The following ANKRD63 variants were observed in gnomAD, a reference collection of about 807,000 sequenced individuals.
ANKRD63 encodes ankyrin repeat domain-containing protein 63.
ANKRD63 carries 18 observed loss-of-function variants against 21.2 expected under a neutral mutation model. The observed-to-expected ratio is 0.85, with a 90% CI of 0.59 to 1.26. The LOEUF (loss-of-function observed/expected upper bound fraction) is 1.26. Among genes scored for constraint, ANKRD63 ranks in the 50% most tolerant of loss-of-function variants. The pLI, the probability that ANKRD63 is intolerant of heterozygous loss-of-function variation, is 0.00. For synonymous variants in ANKRD63, 322 were observed against 273.3 expected (o/e 1.18, Z -1.76); for missense variants, 523 against 570.9 (o/e 0.92, Z 0.85).
At position 40,281,907 on chromosome 15, in the gene ANKRD63, C is replaced by T; in HGVS notation, c.680G>A (p.Gly227Asp). The T allele has an allele frequency of 7.1e-7, 1 of 1,409,938 alleles. No homozygotes were observed. Among genetic ancestry groups the T allele is most frequent in the Non-Finnish European group, 9.2e-7 (1 of 1,092,596 alleles). 87.3% of individuals were successfully genotyped at this position (1,409,938 alleles called of 1,614,324 possible). Residue 227 changes from glycine (G) to aspartate (D), a missense_variant, in exon 1 of 1, where the codon GGC becomes GAC. Coordinates refer to ENST00000434396, the MANE Select transcript of ANKRD63 (RefSeq NM_001190479.3). ...PLLARFARAA[G>D]GHGGEAGSAG... ...TGAGCCAGCCTCGCCGCCGTGGCCG[C>T]CCGCCGCTCGCGCAAAGCGCGCCAG...
rs921251047 is a variant in ANKRD63 at position 40,282,191 on chromosome 15, C to T, written c.396G>A (p.Val132=). The change falls in exon 1 of 1, where the codon GTG becomes GTA. Residue 132 remains valine, a synonymous_variant. Coordinates refer to ENST00000434396, the MANE Select transcript of ANKRD63 (RefSeq NM_001190479.3). The part of the protein sequence containing the change: ...MWAAACGHGA[V]LEFLVRSFRR... Reference sequence around the variant, plus strand: ...GGAAGGACCGCACCAGGAACTCGAGCACCGCCCCGTGGCCGCAGGCCGCCG... The same window carrying T: ...GGAAGGACCGCACCAGGAACTCGAGTACCGCCCCGTGGCCGCAGGCCGCCG... 1.8e-5 allele frequency: 27 copies of T among 1,501,410 alleles called. No individual in the cohort carries two copies. Among genetic ancestry groups the T allele is most frequent in the Middle Eastern group, 2.0e-4 (1 of 5,114 alleles). The allele number at this position is 1,501,410 out of a possible 1,614,324, so 93.0% of individuals were successfully genotyped here.
Position 40,281,900 on chromosome 15 carries a change from G to T in ANKRD63, c.687C>A (p.His229Gln). Residue 229 changes from histidine (H) to glutamine (Q), a missense_variant, in exon 1 of 1, where the codon CAC (histidine) becomes CAA (glutamine). His to Gln is a conservative substitution (Grantham distance 24, BLOSUM62 0). This residue lies in a region of ANKRD63 where 308 missense variants were observed against 290.4 expected (regional missense o/e 1.06). Coordinates refer to ENST00000434396, the MANE Select transcript of ANKRD63 (RefSeq NM_001190479.3). ...TGCCCGCTGAGCCAGCCTCGCCGCC[G>T]TGGCCGCCCGCCGCTCGCGCAAAGC... ...LARFARAAGG[H>Q]GGEAGSAGKN... The T allele has an allele frequency of 7.1e-7, 1 of 1,410,408 alleles. No homozygotes were observed. Among genetic ancestry groups the T allele is most frequent in the Non-Finnish European group, 9.2e-7 (1 of 1,092,242 alleles). 87.4% of individuals were successfully genotyped at this position (1,410,408 alleles called of 1,614,324 possible).
chr15:40,282,217 C>T lies in ANKRD63; in HGVS notation c.370G>A (p.Ala124Thr), dbSNP rs1018905088. The change falls in exon 1 of 1, where the codon GCG becomes ACG. Residue 124 changes from alanine (A) to threonine (T), a missense_variant. By Grantham distance (58) the Ala-to-Thr change is moderately conservative. Around this residue, in one of 2 missense-constraint regions of ANKRD63, gnomAD observed 215 missense variants for 280.4 expected, o/e 0.77. Coordinates refer to ENST00000434396, the MANE Select transcript of ANKRD63 (RefSeq NM_001190479.3). ...DSAGNSPVMW[A>T]AACGHGAVLE... is the part of the protein sequence containing the mutation. ...ACCGCCCCGTGGCCGCAGGCCGCCG[C>T]CCACATCACCGGGCTGTTGCCCGCA... 2.0e-6 allele frequency: 3 copies of T among 1,512,984 alleles called. No individual in the cohort carries two copies. Among genetic ancestry groups the T allele is most frequent in the Non-Finnish European group, 2.6e-6 (3 of 1,138,076 alleles). The allele number at this position is 1,512,984 out of a possible 1,614,324, so 93.7% of individuals were successfully genotyped here. A position where few individuals can be genotyped will look rare whatever the true frequency, so the allele number is the denominator to read the frequency against.
chr15:40,282,706 G>C lies in ANKRD63; in HGVS notation c.-120C>G. The C allele has an allele frequency of 1.3e-6, 1 of 769,088 alleles. No homozygotes were observed. The highest frequency in any genetic ancestry group is 2.8e-5 in the South Asian group (1 of 36,108). 47.6% of individuals were successfully genotyped at this position (769,088 alleles called of 1,614,324 possible). On this transcript the variant is annotated 5_prime_UTR_variant, in exon 1 of 1. Coordinates refer to ENST00000434396, the MANE Select transcript of ANKRD63 (RefSeq NM_001190479.3). Reference sequence around the variant, plus strand: ...GATACCTCTCCCTCCGCGCGTGGGCGGCTGCAGCCGAGGGTCCCGAGGTTC... The same window carrying C: ...GATACCTCTCCCTCCGCGCGTGGGCCGCTGCAGCCGAGGGTCCCGAGGTTC...
rs1447599323 is a variant in ANKRD63 at position 40,282,904 on chromosome 15, A to G, written c.-318T>C. ...GGAGCAGAGACTCGACCCTCTCCCG[A>G]GTCTCTCGCCGCTTTCCCGGTGTCC... is the stretch of plus-strand genomic sequence containing the variant. On this transcript the variant is annotated 5_prime_UTR_variant, in exon 1 of 1. Coordinates refer to ENST00000434396, the MANE Select transcript of ANKRD63 (RefSeq NM_001190479.3). Among the ~76,000 whole-genome samples, 1 of 151,828 alleles carries G rather than the reference A, an allele frequency of 6.6e-6. No homozygotes were observed. Among genetic ancestry groups the G allele is most frequent in the Non-Finnish European group, 1.5e-5 (1 of 67,950 alleles).
rs1411263925 is a variant in ANKRD63, at chr15:40,279,141, C to T, written c.*2303G>A. On this transcript the variant is annotated 3_prime_UTR_variant, in exon 1 of 1. Coordinates refer to ENST00000434396, the MANE Select transcript of ANKRD63 (RefSeq NM_001190479.3). ...TCAGGCACTTGGTATTGTGCACCCA[C>T]CACCCAGACGGGGACTGAGGAGAGG... 2.0e-5 allele frequency among the ~76,000 whole-genome samples: 3 copies of T among 150,704 alleles called. No homozygotes were observed. Among genetic ancestry groups the T allele is most frequent in the Non-Finnish European group, 4.4e-5 (3 of 67,704 alleles).
Position 40,278,721 on chromosome 15 carries a change from G to C in ANKRD63, c.*2723C>G, listed in dbSNP as rs2039510110. ...GCCTGGGAAGGAGTCTGTATGTATG[G>C]ACAGCAAGGCAGTCAGACACACGAT... On this transcript the variant is annotated 3_prime_UTR_variant, in exon 1 of 1. Coordinates refer to ENST00000434396, the MANE Select transcript of ANKRD63 (RefSeq NM_001190479.3). Among the ~76,000 whole-genome samples the C allele has an allele frequency of 6.6e-6, 1 of 152,154 alleles. No homozygotes were observed. Among genetic ancestry groups the C allele is most frequent in the South Asian group, 2.1e-4 (1 of 4,822 alleles).
Position 40,282,628 on chromosome 15 carries a change from G to GGGGGCGCGAGAACA in ANKRD63, c.-43_-42insTGTTCTCGCGCCCC. The GGGGGCGCGAGAACA allele has an allele frequency of 7.4e-7, 1 of 1,345,680 alleles. No homozygotes were observed. The highest frequency in any genetic ancestry group is 9.5e-7 in the Non-Finnish European group (1 of 1,049,586). The allele number at this position is 1,345,680 out of a possible 1,614,324, so 83.4% of individuals were successfully genotyped here. On this transcript the variant is annotated 5_prime_UTR_variant, in exon 1 of 1. Transcript: ENST00000434396. ...CCCGGGCAGCCTGGCAGTTCCGCAC[G>GGGGGCGCGAGAACA]GGGGCGCCCCTGTTCTCGCGCCCCG... is the stretch of plus-strand genomic sequence containing the variant.
rs1316263815 is a variant in ANKRD63 at position 40,282,789 on chromosome 15, C to G, written c.-203G>C. 6.6e-6 allele frequency among the ~76,000 whole-genome samples: 1 copy of G among 152,180 alleles called. No individual in the cohort carries two copies. The highest frequency in any genetic ancestry group is 1.5e-5 in the Non-Finnish European group (1 of 68,020). ...CGCCGCTCCTGGGCCGCACGCCTGG[C>G]GTGTCGCCGCTCCTTCCCCGGGCCT... On this transcript the variant is annotated 5_prime_UTR_variant, in exon 1 of 1. Coordinates refer to ENST00000434396, the MANE Select transcript of ANKRD63 (RefSeq NM_001190479.3).
At position 40,279,713 on chromosome 15, in the gene ANKRD63, C is replaced by T. The variant is rs937661072; in HGVS notation, c.*1731G>A. 1.3e-5 allele frequency among the ~76,000 whole-genome samples: 2 copies of T among 152,262 alleles called. No individual in the cohort carries two copies. Among genetic ancestry groups the T allele is most frequent in the Non-Finnish European group, 2.9e-5 (2 of 68,044 alleles). On this transcript the variant is annotated 3_prime_UTR_variant, in exon 1 of 1. Coordinates refer to ENST00000434396, the MANE Select transcript of ANKRD63 (RefSeq NM_001190479.3). The stretch of plus-strand genomic sequence containing the variant: ...GCCCACCCCTCACCGCCAGGCCCAG[C>T]AGTATCTCGGCACATTCTCGCTCTG...
In ANKRD63 at chr15:40,281,670, G is replaced by T; in HGVS notation, c.917C>A (p.Ala306Glu). 1 of 1,528,360 alleles carries T rather than the reference G, an allele frequency of 6.5e-7. No individual in the cohort carries two copies. The highest frequency in any genetic ancestry group is 8.8e-7 in the Non-Finnish European group (1 of 1,142,208). The allele number at this position is 1,528,360 out of a possible 1,614,324, so 94.7% of individuals were successfully genotyped here. A position where few individuals can be genotyped will look rare whatever the true frequency, so the allele number is the denominator to read the frequency against. ...EVLEGAPPTL[A>E]QAPIGLSPHP... ...GGGACTGAGGCCAATGGGGGCTTGC[G>T]CTAAGGTTGGGGGCGCTCCCTCCAG... is the stretch of plus-strand genomic sequence containing the variant. The change falls in exon 1 of 1, where the codon GCG becomes GAG. Residue 306 changes from alanine (A) to glutamate (E), a missense_variant. Around this residue, in one of 2 missense-constraint regions of ANKRD63, gnomAD observed 308 missense variants for 290.4 expected, o/e 1.06. Transcript: ENST00000434396.
In ANKRD63 at chr15:40,280,468, C is replaced by A. The variant is rs1170497756; in HGVS notation, c.*976G>T. ...AGTTCTTTGAGGATTGGAAGAAATA[C>A]AATTAAGCACAGCCTTCGCAACCGT... is the stretch of plus-strand genomic sequence containing the variant. On this transcript the variant is annotated 3_prime_UTR_variant, in exon 1 of 1. Transcript: ENST00000434396. 2.0e-5 allele frequency among the ~76,000 whole-genome samples: 3 copies of A among 152,264 alleles called. No homozygotes were observed. Among genetic ancestry groups the A allele is most frequent in the Non-Finnish European group, 4.4e-5 (3 of 68,042 alleles).
chr15:40,280,178 C>T lies in ANKRD63; in HGVS notation c.*1266G>A, dbSNP rs917464391. Among the ~76,000 whole-genome samples, 11 of 152,262 alleles carry T rather than the reference C, an allele frequency of 7.2e-5. No individual in the cohort carries two copies. The highest frequency in any genetic ancestry group is 2.7e-4 in the African/African-American group (11 of 41,476). Reference sequence around the variant, plus strand: ...GTCTCGAACTCTAGCATCCATCATCCGCCCTGCCCTCCATTAACGGCCCAG... The same window carrying T: ...GTCTCGAACTCTAGCATCCATCATCTGCCCTGCCCTCCATTAACGGCCCAG... On this transcript the variant is annotated 3_prime_UTR_variant, in exon 1 of 1. Coordinates refer to ENST00000434396, the MANE Select transcript of ANKRD63 (RefSeq NM_001190479.3).
In ANKRD63 at chr15:40,281,322, G is replaced by C. The variant is rs577070003; in HGVS notation, c.*122C>G. 9 of 776,142 alleles carry C rather than the reference G, an allele frequency of 1.2e-5. No individual in the cohort carries two copies. The South Asian group carries it at 1.6e-4, about 14-fold the overall frequency. The allele number at this position is 776,142 out of a possible 1,614,324, so 48.1% of individuals were successfully genotyped here. ...GGTGGAGGTCTCGCCTTGGCAGGGA[G>C]GCAGGTTCCAAAATGGACTGCGGGG... On this transcript the variant is annotated 3_prime_UTR_variant, in exon 1 of 1. Coordinates refer to ENST00000434396, the MANE Select transcript of ANKRD63 (RefSeq NM_001190479.3).
rs1190645175 is a variant in ANKRD63 at position 40,281,835 on chromosome 15, G to T, written c.752C>A (p.Pro251His). 3 of 1,532,668 alleles carry T rather than the reference G, an allele frequency of 2.0e-6. No homozygotes were observed. In the African/African-American group the frequency reaches 4.1e-5, roughly 21 times the overall value. The allele number at this position is 1,532,668 out of a possible 1,614,324, so 94.9% of individuals were successfully genotyped here. A position where few individuals can be genotyped will look rare whatever the true frequency, so the allele number is the denominator to read the frequency against. The change falls in exon 1 of 1, where the codon CCC (proline) becomes CAC (histidine). Residue 251 changes from proline (P) to histidine (H), a missense_variant. Around this residue, in one of 2 missense-constraint regions of ANKRD63, gnomAD observed 308 missense variants for 290.4 expected, o/e 1.06. Transcript: ENST00000434396. ...CAGGCTCATGCTCCGACCCAGCTCG[G>T]GCCGTTCGCTGCCCTGCGCCCGGTG... The part of the protein sequence containing the change: ...GRHRAQGSER[P>H]ELGRSMSLAL...
In ANKRD63 at chr15:40,281,991, G is replaced by A. The variant is rs2039549600; in HGVS notation, c.596C>T (p.Ala199Val). Reference sequence around the variant, plus strand: ...TCGATGCTCGGGGCTGGCCGCGGGGGCCGGGCGGCCAGGGGGACTATCGGA... The same window carrying A: ...TCGATGCTCGGGGCTGGCCGCGGGGACCGGGCGGCCAGGGGGACTATCGGA... ...SNSDSPPGRP[A>V]PAASPEHRRP... Residue 199 changes from alanine to valine, a missense_variant, in exon 1 of 1, where the codon GCC becomes GTC. This residue lies in a region of ANKRD63 where 308 missense variants were observed against 290.4 expected (regional missense o/e 1.06). Transcript: ENST00000434396. 5 of 1,215,896 alleles carry A rather than the reference G, an allele frequency of 4.1e-6. No individual in the cohort carries two copies. Among genetic ancestry groups the A allele is most frequent in the Admixed American group, 4.4e-5 (1 of 22,742 alleles). 75.3% of individuals were successfully genotyped at this position (1,215,896 alleles called of 1,614,324 possible).
rs2039513192 is a variant in ANKRD63 at position 40,278,972 on chromosome 15, C to T, written c.*2472G>A. ...TCATGCTGTTAAGCCAAAATACTTG[C>T]ATTTCTACACCACTAAAAACGTCAT... On this transcript the variant is annotated 3_prime_UTR_variant, in exon 1 of 1. Coordinates refer to ENST00000434396, the MANE Select transcript of ANKRD63 (RefSeq NM_001190479.3). Among the ~76,000 whole-genome samples, 1 of 152,220 alleles carries T rather than the reference C, an allele frequency of 6.6e-6. No homozygotes were observed. The highest frequency in any genetic ancestry group is 2.4e-5 in the African/African-American group (1 of 41,448).
At position 40,282,575 on chromosome 15, in the gene ANKRD63, G is replaced by T; in HGVS notation, c.12C>A (p.Pro4=). MLK[P]KDLCPRAGTR... ...TCCCCGCTCGGGGGCACAGGTCCTT[G>T]GGTTTGAGCATGGCCCCGGCCGCCG... The change falls in exon 1 of 1, where the codon CCC becomes CCA. Residue 4 remains proline, a synonymous_variant. Transcript: ENST00000434396. 7.0e-7 allele frequency: 1 copy of T among 1,428,438 alleles called. No individual in the cohort carries two copies. Among genetic ancestry groups the T allele is most frequent in the South Asian group, 1.4e-5 (1 of 69,856 alleles). 88.5% of individuals were successfully genotyped at this position (1,428,438 alleles called of 1,614,324 possible).
Position 40,281,487 on chromosome 15 carries a change from C to A in ANKRD63, c.1100G>T (p.Trp367Leu). ...LSVSVPGPNP[W>L]QAGTEAVVLR... is the part of the protein sequence containing the mutation. ...CACCACAGCCTCGGTGCCCGCCTGC[C>A]AAGGGTTCGGCCCAGGCACCGAGAC... is the stretch of plus-strand genomic sequence containing the variant. The change falls in exon 1 of 1, where the codon TGG (tryptophan) becomes TTG (leucine). Residue 367 changes from tryptophan to leucine, a missense_variant. Trp to Leu is a moderately conservative substitution (Grantham distance 61). Coordinates refer to ENST00000434396, the MANE Select transcript of ANKRD63 (RefSeq NM_001190479.3). 1 of 1,440,910 alleles carries A rather than the reference C, an allele frequency of 6.9e-7. No individual in the cohort carries two copies. The highest frequency in any genetic ancestry group is 1.4e-5 in the South Asian group (1 of 70,720). The allele number at this position is 1,440,910 out of a possible 1,614,324, so 89.3% of individuals were successfully genotyped here. A position where few individuals can be genotyped will look rare whatever the true frequency, so the allele number is the denominator to read the frequency against.
Sources: gnomAD v4.1 joint callset for allele counts (sites outside exome capture counted in the v4.1 genomes callset) on GRCh38, gnomAD v4.1.1 for gene constraint, gnomAD v4.1.1 regional missense constraint, MANE v1.5 for transcripts, NCBI Gene and HGNC (gene_info 2026-07-23, HGNC 2026-07-21) for gene names.